The following ITGB5 variants were observed in gnomAD, a reference collection of about 807,000 sequenced individuals.
The protein encoded by ITGB5 is integrin beta-5.
A neutral mutation model predicts 84.8 loss-of-function variants in ITGB5; 38 were observed. That is an observed-to-expected ratio of 0.45 (90% CI 0.35 to 0.59). The LOEUF (loss-of-function observed/expected upper bound fraction) is 0.59. Ranked by LOEUF, ITGB5 falls within the 20% of genes least tolerant of loss-of-function variation. The pLI is 0.01. For synonymous variants in ITGB5, 393 were observed against 414.4 expected, an observed-to-expected ratio of 0.95 and a Z score of 0.63; for missense variants, 905 against 1,034.5, an observed-to-expected ratio of 0.87 and a Z score of 1.72.
At chr3:124,799,305 T>C (rs1357733496) in intron 9 of ITGB5, among the ~76,000 whole-genome samples, 1 of 152,184 alleles carries the variant, frequency 6.6e-6, no homozygotes, top group Non-Finnish European at 1.5e-5. Flanking sequence ...ATTCCAGCCC[T>C]TTGGGAGGCT....
At chr3:124,888,699 C>G (rs1380155708), upstream of ITGB5, among the ~76,000 whole-genome samples, 1 of 152,160 alleles carries the variant, frequency 6.6e-6, no homozygotes, top group Non-Finnish European at 1.5e-5. Context: ...ATGCCTCGTT[C>G]AAAAGTGCAG....
intron 3 of ITGB5, among the ~76,000 whole-genome samples, chr3:124,857,805 G>A (rs1205772325): frequency 1.3e-5 from 2 of 152,122 alleles, no homozygotes; most frequent in Non-Finnish European, 2.9e-5. Context: ...CACTTACTGA[G>A]AGACCTTGAG....
At chr3:124,774,846 G>A (rs190657151) in intron 10 of ITGB5, among the ~76,000 whole-genome samples, 25 of 152,344 alleles carry the variant, frequency 1.6e-4, no homozygotes, top group African/African-American at 5.1e-4. Flanking sequence ...CACCTTACAC[G>A]TAGAAATGGG....
intron 14 of ITGB5, among the ~76,000 whole-genome samples, 155 bp downstream of exon 14, chr3:124,764,234 TTC>T (rs1353810263): frequency 3.9e-5 from 6 of 152,318 alleles, no homozygotes; most frequent in African/African-American, 1.2e-4. Context: ...GGCTGTGCAA[TTC>T]TCTCTCTCCA....
chr3:124,810,318 G>A (rs1021903029), intron 8 of ITGB5, among the ~76,000 whole-genome samples: 2 of 152,130 alleles, frequency 1.3e-5, no homozygotes, highest in African/African-American at 4.8e-5. Context: ...TTGCCCTTGA[G>A]GGATTGCGAT....
At chr3:124,857,999 G>A (rs2065242361) in intron 3 of ITGB5, among the ~76,000 whole-genome samples, 1 of 151,956 alleles carries the variant, frequency 6.6e-6, no homozygotes, top group Non-Finnish European at 1.5e-5. Flanking sequence ...AAAATTAGCT[G>A]GGCGTGGTGG....
At chr3:124,859,549 T>A in intron 2 of ITGB5, 103 bp from the exon 3 acceptor site, 2 of 804,748 alleles carry the variant, frequency 2.5e-6, no homozygotes, top group Non-Finnish European at 4.0e-6. Flanking sequence ...TTAAATTCTC[T>A]ACTTTCCATT....
intron 9 of ITGB5, among the ~76,000 whole-genome samples, chr3:124,806,409 T>C (rs1277584927): frequency 6.6e-6 from 1 of 151,700 alleles, no homozygotes; most frequent in East Asian, 1.9e-4. Context: ...TTTTTTGGTA[T>C]TTCTGCCTCA....
chr3:124,792,872 G>A (rs2064168725), intron 10 of ITGB5: 2 of 150,904 alleles, frequency 1.3e-5, no homozygotes, highest in Admixed American at 6.6e-5. Context: ...TGATGATTAA[G>A]CAAAAAAAAA....
At chr3:124,775,232 G>GAGTGTGAGTGCA (rs2063907192) in intron 10 of ITGB5, among the ~76,000 whole-genome samples, 1 of 146,076 alleles carries the variant, frequency 6.8e-6, no homozygotes, top group South Asian at 2.1e-4. Flanking sequence ...GAGTGTGTAT[G>GAGTGTGAGTGCA]AGTGTGTGAG....
intron 7 of ITGB5, among the ~76,000 whole-genome samples, chr3:124,818,502 CTTTTTTTTT>C (rs143582866): frequency 8.8e-5 from 6 of 68,214 alleles, no homozygotes; most frequent in Non-Finnish European, 1.1e-4. Flanking sequence ...AGTGCATAGG[CTTTTTTTTT>C]TTTTTTTTTT....
At chr3:124,860,666 T>A (rs1254887644) in intron 2 of ITGB5, among the ~76,000 whole-genome samples, 2 of 152,200 alleles carry the variant, frequency 1.3e-5, no homozygotes, top group African/African-American at 4.8e-5. Context: ...TTCCCCCCAC[T>A]CTGGCAGGCT....
chr3:124,887,755 G>A, upstream of ITGB5: 1 of 442,502 alleles, frequency 2.3e-6, no homozygotes, highest in Admixed American at 2.4e-5. Context: ...GAGCAGGTAC[G>A]GGGGTCGTGC....
intron 5 of ITGB5, 100 bp downstream of exon 5, chr3:124,841,283 T>C (rs1028758876): frequency 2.0e-5 from 23 of 1,160,532 alleles, no homozygotes; most frequent in African/African-American, 4.6e-5. Context: ...AGGAGCCACA[T>C]GCTGGGGCAC....
At position 124,796,696 on chromosome 3, in the gene ITGB5, G is replaced by T. The variant is rs774939398; in HGVS notation, c.1385C>A (p.Thr462Lys). Residue 462 changes from threonine to lysine, a missense_variant, in exon 10 of 15, where the codon ACG becomes AAG. By Grantham distance (78) the Thr-to-Lys change is moderately conservative (BLOSUM62 -1). This residue lies in a region of ITGB5 where 656 missense variants were observed against 734.7 expected (regional missense o/e 0.89). Transcript: ENST00000296181. ...TTCCAGCCCCACGCTGCAGCCGCAC[G>T]TGCAGTTGTAGGTGACCCCCACCTC... ...SLEVGVTYNC[T>K]CGCSVGLEPN... 1 of 1,614,068 alleles carries T rather than the reference G, an allele frequency of 6.2e-7. No individual in the cohort carries two copies. The highest frequency in any genetic ancestry group is 8.5e-7 in the Non-Finnish European group (1 of 1,180,020).
chr3:124,818,087 A>G (rs986525952), intron 7 of ITGB5, among the ~76,000 whole-genome samples: 5 of 152,022 alleles, frequency 3.3e-5, no homozygotes, highest in Non-Finnish European at 7.4e-5. Context: ...TGAGGTATTC[A>G]CAGGTTCAGC....
At chr3:124,877,137 A>T (rs1173020714) in intron 1 of ITGB5, among the ~76,000 whole-genome samples, 1 of 126,750 alleles carries the variant, frequency 7.9e-6, no homozygotes, top group African/African-American at 3.0e-5. Flanking sequence ...CACCTGGCTA[A>T]TTTTTTTTTT....
At chr3:124,829,837 G>A (rs16836080) in intron 5 of ITGB5, among the ~76,000 whole-genome samples, 52,076 of 151,904 alleles carry the variant, frequency 0.34, 9,758 homozygotes, top group African/African-American at 0.5. Context: ...ACCCTGCGAC[G>A]CCACCAAACT....
chr3:124,864,808 A>G (rs1283290063), intron 2 of ITGB5, among the ~76,000 whole-genome samples: 3 of 152,200 alleles, frequency 2.0e-5, no homozygotes, highest in Non-Finnish European at 4.4e-5. Context: ...TGATGGCGTA[A>G]CAGTTTCAGA....
Sources: gnomAD v4.1 joint callset for allele counts (sites outside exome capture counted in the v4.1 genomes callset) on GRCh38, gnomAD v4.1.1 for gene constraint, gnomAD v4.1.1 regional missense constraint, MANE v1.5 for transcripts, NCBI Gene and HGNC (gene_info 2026-07-23, HGNC 2026-07-21) for gene names.